PARD3: variants seen among roughly 807,000 people sequenced by gnomAD.
PARD3 encodes partitioning defective 3 homolog.
Under a neutral mutation model 155.4 loss-of-function variants are expected in PARD3, and 75 were observed. The ratio of observed to expected loss-of-function variants is 0.48; its 90% CI spans 0.40 to 0.58. The LOEUF (loss-of-function observed/expected upper bound fraction) is 0.58. PARD3 is among the 20% of genes least tolerant of loss of function. The probability of loss-of-function intolerance (pLI) is 0.00; values close to 1 mark genes in which losing one functional copy is unlikely to be tolerated. For synonymous variants in PARD3, 576 were observed against 610.5 expected, an observed-to-expected ratio of 0.94 and a Z score of 0.83; for missense variants, 1,642 against 1,721.7, an observed-to-expected ratio of 0.95 and a Z score of 0.82.
chr10:34,591,689 G>C (rs1037605883), intron 2 of PARD3, among the ~76,000 whole-genome samples: 1 of 152,130 alleles, frequency 6.6e-6, no homozygotes, highest in African/African-American at 2.4e-5. Flanking sequence ...CAGAATGCAA[G>C]GCCTTAATCC....
rs527883186 is a variant in PARD3, at chr10:34,566,888, T to C, written c.223-49729A>G. ...TCTTTAAGTGTTATTATTAACACTC[T>C]TTTTTTGAATGTACTATTTTAAAGA... On this transcript the variant is annotated intron_variant, in intron 2 of 24. Transcript: ENST00000374788. Among the ~76,000 whole-genome samples, 261 of 152,302 alleles carry C rather than the reference T, an allele frequency of 1.7e-3. 1 individual carries two copies. Among genetic ancestry groups the C allele is most frequent in the African/African-American group, 5.9e-3 (245 of 41,560 alleles).
chr10:34,515,401 C>T (rs1218158112), intron 3 of PARD3, among the ~76,000 whole-genome samples: 1 of 152,158 alleles, frequency 6.6e-6, no homozygotes, highest in Non-Finnish European at 1.5e-5. Flanking sequence ...TCTGTTCCAC[C>T]CCAAGTATCC....
chr10:34,539,329 G>T (rs2083440703), intron 2 of PARD3, among the ~76,000 whole-genome samples: 2 of 152,104 alleles, frequency 1.3e-5, no homozygotes, highest in South Asian at 4.1e-4. Context: ...TAAAAATTAA[G>T]ATATATAAAC....
At chr10:34,689,238 T>A (rs2094004943) in intron 2 of PARD3, among the ~76,000 whole-genome samples, 1 of 152,156 alleles carries the variant, frequency 6.6e-6, no homozygotes, top group South Asian at 2.1e-4. Flanking sequence ...CCAGAATGAT[T>A]AAATCAGGAT....
At position 34,239,758 on chromosome 10, in the gene PARD3, G is replaced by A. The variant is rs138656416; in HGVS notation, c.3419+29899C>T. Among the ~76,000 whole-genome samples, 468 of 149,844 alleles carry A rather than the reference G, an allele frequency of 3.1e-3. 2 individuals carry two copies. The highest frequency in any genetic ancestry group is 0.01 in the African/African-American group (427 of 40,670). ...GTGGAGTTTGCAGTGAGCCAATAAC[G>A]CGCCATTGCATTCTAGCCTGGGCAA... On this transcript the variant is annotated intron_variant, in intron 22 of 24. Transcript: ENST00000374788.
chr10:34,778,002 C>A (rs903135223), intron 1 of PARD3, among the ~76,000 whole-genome samples: 1 of 152,202 alleles, frequency 6.6e-6, no homozygotes, highest in East Asian at 1.9e-4. Flanking sequence ...GCTTTATCCT[C>A]CAGCAGCCTT....
intron 2 of PARD3, among the ~76,000 whole-genome samples, chr10:34,693,739 G>A (rs2094112941): frequency 6.6e-6 from 1 of 152,162 alleles, no homozygotes; most frequent in Admixed American, 6.5e-5. Context: ...GCTGAGGCAG[G>A]AGGATCACTT....
intron 19 of PARD3, among the ~76,000 whole-genome samples, chr10:34,318,865 A>G (rs539152383): frequency 6.6e-6 from 1 of 152,036 alleles, no homozygotes; most frequent in Admixed American, 6.5e-5. Flanking sequence ...TCCTGGGTTC[A>G]AGCCATTCTC....
chr10:34,552,510 C>G (rs918013515), intron 2 of PARD3, among the ~76,000 whole-genome samples: 8 of 152,278 alleles, frequency 5.3e-5, no homozygotes, highest in African/African-American at 1.9e-4. Flanking sequence ...GAGTTCCAGA[C>G]CAGCCTGGTC....
Position 34,760,179 on chromosome 10 carries a change from G to A in PARD3, c.120+54697C>T, listed in dbSNP as rs533666571. ...CCCAATCTACCTTTTTTTGGCAGGC[G>A]GGGTGTGGGGGACAGCGCAGCGGTG... On this transcript the variant is annotated intron_variant, in intron 1 of 24. Coordinates refer to ENST00000374788, the MANE Select transcript of PARD3 (RefSeq NM_001184785.2). 1.6e-3 allele frequency among the ~76,000 whole-genome samples: 144 copies of A among 90,344 alleles called. 1 individual carries two copies. Among genetic ancestry groups the A allele is most frequent in the Non-Finnish European group, 1.2e-3 (46 of 38,560 alleles). The allele number at this position is 90,344 out of a possible 152,430, so 59.3% of individuals were successfully genotyped here.
At chr10:34,387,193 TGTAA>T (rs1404770515) in intron 7 of PARD3, among the ~76,000 whole-genome samples, 5 of 152,336 alleles carry the variant, frequency 3.3e-5, no homozygotes, top group Non-Finnish European at 1.5e-5. Flanking sequence ...TTACTGCAAA[TGTAA>T]GTGACTAACA....
chr10:34,749,462 T>C (rs1382558124), intron 1 of PARD3, among the ~76,000 whole-genome samples: 1 of 151,164 alleles, frequency 6.6e-6, no homozygotes, highest in Non-Finnish European at 1.5e-5. Context: ...ATGAAGGTTA[T>C]AAAAAATATA....
intron 18 of PARD3, among the ~76,000 whole-genome samples, chr10:34,334,754 TTC>T (rs1257202557): frequency 2.0e-5 from 3 of 150,642 alleles, no homozygotes; most frequent in South Asian, 2.1e-4. Flanking sequence ...AAAAAAAAAG[TTC>T]TTTTTCTCTA....
intron 21 of PARD3, among the ~76,000 whole-genome samples, chr10:34,279,987 C>T (rs1023538100): frequency 2.5e-4 from 38 of 152,306 alleles, no homozygotes; most frequent in African/African-American, 8.9e-4. Context: ...GCACAACTTA[C>T]TATGCAGATA....
At position 34,284,122 on chromosome 10, in the gene PARD3, A is replaced by G; in HGVS notation, c.3176+13T>C. The stretch of plus-strand genomic sequence containing the variant: ...TCTTTCTAAGGAGGTTTAATCAAGT[A>G]ACTGAAGTCTACCTCTCCTGCTCCT... On this transcript the variant is annotated intron_variant, in intron 21 of 24. Transcript: ENST00000374788. 1 of 1,435,022 alleles carries G rather than the reference A, an allele frequency of 7.0e-7. No individual in the cohort carries two copies. The allele number at this position is 1,435,022 out of a possible 1,614,324, so 88.9% of individuals were successfully genotyped here. A position where few individuals can be genotyped will look rare whatever the true frequency, so the allele number is the denominator to read the frequency against.
intron 2 of PARD3, among the ~76,000 whole-genome samples, chr10:34,626,658 C>G (rs1049415881): frequency 6.6e-6 from 1 of 152,196 alleles, no homozygotes; most frequent in Non-Finnish European, 1.5e-5. Flanking sequence ...AGAGCCCTAA[C>G]TCATATTTGG....
chr10:34,447,480 C>CAAAAAAAAAAAAAAAAAAAAAAAA lies in PARD3; in HGVS notation c.714+2813_714+2836dup, dbSNP rs745637071. ...TGGGCAACAGAGCAAGACTGCGTCT[C>CAAAAAAAAAAAAAAAAAAAAAAAA]AAAAAAAAAAAAAAAAAAAAAAAAA... On this transcript the variant is annotated intron_variant, in intron 5 of 24. Coordinates refer to ENST00000374788, the MANE Select transcript of PARD3 (RefSeq NM_001184785.2). Among the ~76,000 whole-genome samples, 5 of 37,212 alleles carry CAAAAAAAAAAAAAAAAAAAAAAAA rather than the reference C, an allele frequency of 1.3e-4. 1 individual carries two copies. Among genetic ancestry groups the CAAAAAAAAAAAAAAAAAAAAAAAA allele is most frequent in the Admixed American group, 4.8e-4 (1 of 2,086 alleles). 24.4% of individuals were successfully genotyped at this position (37,212 alleles called of 152,430 possible). A position where few individuals can be genotyped will look rare whatever the true frequency, so the allele number is the denominator to read the frequency against.
chr10:34,694,398 C>T (rs1398831593), intron 2 of PARD3, among the ~76,000 whole-genome samples: 1 of 150,786 alleles, frequency 6.6e-6, no homozygotes, highest in Non-Finnish European at 1.5e-5. Flanking sequence ...GCCTGGCTCA[C>T]TCAAAAGCCC....
At chr10:34,444,801 G>A (rs531308472) in intron 5 of PARD3, among the ~76,000 whole-genome samples, 29 of 152,182 alleles carry the variant, frequency 1.9e-4, no homozygotes, top group African/African-American at 6.3e-4. Flanking sequence ...CTTCTAGAGG[G>A]GCCAGCTAGC....
Sources: gnomAD v4.1 joint callset for allele counts (sites outside exome capture counted in the v4.1 genomes callset) on GRCh38, gnomAD v4.1.1 for gene constraint, MANE v1.5 for transcripts, NCBI Gene and HGNC (gene_info 2026-07-23, HGNC 2026-07-21) for gene names.